ELMO2: variants seen among roughly 807,000 people sequenced by gnomAD.
The protein encoded by ELMO2 is engulfment and cell motility protein 2.
In ELMO2, 37 loss-of-function variants were observed where a neutral mutation model predicts 96.2. The ratio of observed to expected loss-of-function variants is 0.38; its 90% confidence interval spans 0.30 to 0.51. ELMO2 has a LOEUF of 0.51. ELMO2 is among the 20% of genes least tolerant of loss of function. ELMO2 has a pLI of 0.88. For missense variants in ELMO2, 561 were observed against 912.6 expected (o/e 0.61, Z 4.96); for synonymous variants, 315 against 329.4 (o/e 0.96, Z 0.47).
chr20:46,371,801 C>T lies in ELMO2; in HGVS notation c.1580+5G>A, dbSNP rs756327149. 1 of 1,614,146 alleles carries T rather than the reference C, an allele frequency of 6.2e-7. No individual in the cohort carries two copies. The highest frequency in any genetic ancestry group is 2.2e-5 in the East Asian group (1 of 44,880). On this transcript the variant is annotated splice_donor_5th_base_variant and intron_variant, in intron 17 of 21. Coordinates refer to ENST00000290246, the MANE Select transcript of ELMO2 (RefSeq NM_133171.5). This position sits in a 1 kb window ranked among gnomAD's most constrained non-coding sequence, Gnocchi z 5.9. Reference sequence around the variant, plus strand: ...CCCGCCAGCCTCCCCTGAGATGGAACTTACACAATTGGCGGGGACTGGAAG... The same window carrying T: ...CCCGCCAGCCTCCCCTGAGATGGAATTTACACAATTGGCGGGGACTGGAAG...
At chr20:46,390,447 T>C (rs1475970936) in intron 6 of ELMO2, among the ~76,000 whole-genome samples, 3 of 152,192 alleles carry the variant, frequency 2.0e-5, no homozygotes, top group Non-Finnish European at 4.4e-5. Context: ...TTTAAGAACA[T>C]CAAGGAGCCA....
At chr20:46,388,937 T>A (rs2060098256) in intron 7 of ELMO2, 102 bp downstream of exon 7, 5 of 1,200,484 alleles carry the variant, frequency 4.2e-6, no homozygotes, top group Non-Finnish European at 5.9e-6. Flanking sequence ...CAGGTGGTAT[T>A]CAATAAACTC....
chr20:46,382,352 A>C, intron 10 of ELMO2: 2 of 1,006,204 alleles, frequency 2.0e-6, no homozygotes, highest in Non-Finnish European at 2.7e-6. Flanking sequence ...TCCAAGAAAG[A>C]CAAGGACAGA....
intron 21 of ELMO2, 149 bp from the exon 22 acceptor site, chr20:46,367,709 A>G: frequency 2.0e-6 from 1 of 501,260 alleles, no homozygotes; most frequent in Non-Finnish European, 3.3e-6. Context: ...GCAAAGATAA[A>G]TTAGGAGGTG....
Position 46,371,993 on chromosome 20 carries a change from A to G in ELMO2, c.1417-24T>C. On this transcript the variant is annotated intron_variant, in intron 16 of 21. Coordinates refer to ENST00000290246, the MANE Select transcript of ELMO2 (RefSeq NM_133171.5). This position sits in a 1 kb window ranked among gnomAD's most constrained non-coding sequence, Gnocchi z 5.9. ...ACCTAAGAGGAGAAGAACCCAGCCAACTCACACCACTACTCTTGAGAAATG... is the reference window on the plus strand; with the variant it reads ...ACCTAAGAGGAGAAGAACCCAGCCAGCTCACACCACTACTCTTGAGAAATG... The G allele has an allele frequency of 6.2e-7, 1 of 1,612,772 alleles. No homozygotes were observed. Among genetic ancestry groups the G allele is most frequent in the Non-Finnish European group, 8.5e-7 (1 of 1,179,792 alleles).
chr20:46,401,758 C>A (rs2060340277), intron 1 of ELMO2, among the ~76,000 whole-genome samples: 1 of 152,302 alleles, frequency 6.6e-6, no homozygotes, highest in Non-Finnish European at 1.5e-5. Flanking sequence ...TTTCCTCTTC[C>A]TTGTCCAGCT....
chr20:46,374,922 C>G (rs1343668504), intron 13 of ELMO2, among the ~76,000 whole-genome samples: 3 of 152,194 alleles, frequency 2.0e-5, no homozygotes, highest in Non-Finnish European at 4.4e-5. Context: ...AAGCCCTACT[C>G]TATCACAAAA....
rs957759981 is a variant in ELMO2 at position 46,377,367 on chromosome 20, C to G, written c.808-1577G>C. Among the ~76,000 whole-genome samples, 4 of 152,144 alleles carry G rather than the reference C, an allele frequency of 2.6e-5. No individual in the cohort carries two copies. In the South Asian group the frequency reaches 8.3e-4, roughly 32 times the overall value. ...TTAATGTCCCTATTCCTTTTTCATG[C>G]TGCTACTAAAATGTTTAAAATCATG... On this transcript the variant is annotated intron_variant, in intron 11 of 21. Coordinates refer to ENST00000290246, the MANE Select transcript of ELMO2 (RefSeq NM_133171.5).
Position 46,404,568 on chromosome 20 carries a change from TAAC to T in ELMO2, c.-126+1977_-126+1979del, listed in dbSNP as rs1056246119. 1.2e-4 allele frequency among the ~76,000 whole-genome samples: 19 copies of T among 152,282 alleles called. No individual in the cohort carries two copies. The South Asian group carries it at 2.9e-3, about 23-fold the overall frequency. On this transcript the variant is annotated intron_variant, in intron 1 of 21. Transcript: ENST00000290246. ...ACTATCGATATCAGTAAAGTGCAGATAACAACAGTTATCTCAAAAGACTCTAGA... is the reference window on the plus strand; with the variant it reads ...ACTATCGATATCAGTAAAGTGCAGATAACAGTTATCTCAAAAGACTCTAGA...
chr20:46,380,214 G>T (rs765667494), intron 11 of ELMO2, 39 bp downstream of exon 11: 3 of 1,523,020 alleles, frequency 2.0e-6, no homozygotes, highest in Non-Finnish European at 2.7e-6. Flanking sequence ...AATAATTGTT[G>T]TTAATAGTAA....
intron 16 of ELMO2, among the ~76,000 whole-genome samples, 199 bp from the exon 17 acceptor site, chr20:46,372,168 CA>C (rs2045535622): frequency 6.6e-6 from 1 of 152,156 alleles, no homozygotes; most frequent in Non-Finnish European, 1.5e-5. Context: ...CTTTATTTCC[CA>C]TATATTTCAA....
chr20:46,400,107 T>G (rs1419381784), intron 1 of ELMO2, among the ~76,000 whole-genome samples: 2 of 152,176 alleles, frequency 1.3e-5, no homozygotes, highest in African/African-American at 4.8e-5. Context: ...CACTGAACTC[T>G]AGCCTGGGTG....
At position 46,399,488 on chromosome 20, in the gene ELMO2, T is replaced by C. The variant is rs1247228064; in HGVS notation, c.-125-717A>G. ...TAGTTCGGATGTTACCTCCTCCTTG[T>C]ACTAGTCTTAGCTTTCTCTACTTTC... is the stretch of plus-strand genomic sequence containing the variant. On this transcript the variant is annotated intron_variant, in intron 1 of 21. Coordinates refer to ENST00000290246, the MANE Select transcript of ELMO2 (RefSeq NM_133171.5). Among the ~76,000 whole-genome samples, 5 of 152,234 alleles carry C rather than the reference T, an allele frequency of 3.3e-5. No homozygotes were observed. The East Asian group carries it at 9.6e-4, about 29-fold the overall frequency.
chr20:46,391,612 A>G, intron 6 of ELMO2, among the ~76,000 whole-genome samples: 1 of 152,140 alleles, frequency 6.6e-6, no homozygotes, highest in Non-Finnish European at 1.5e-5. Context: ...CCTAGCAGTC[A>G]AAGTGATTCC....
chr20:46,400,326 A>G (rs1232152490), intron 1 of ELMO2, among the ~76,000 whole-genome samples: 1 of 152,372 alleles, frequency 6.6e-6, no homozygotes, highest in East Asian at 1.9e-4. Flanking sequence ...TGTTCTCCAG[A>G]TAATATTCCC....
At chr20:46,388,646 G>A (rs1280924276) in intron 7 of ELMO2, among the ~76,000 whole-genome samples, 1 of 151,996 alleles carries the variant, frequency 6.6e-6, no homozygotes, top group Non-Finnish European at 1.5e-5. Flanking sequence ...TGAAGAGGGA[G>A]GAGCAGGGGA....
intron 10 of ELMO2, among the ~76,000 whole-genome samples, chr20:46,381,845 T>C (rs7269536): frequency 0.033 from 5,049 of 152,358 alleles, 241 homozygotes; most frequent in African/African-American, 0.11. Context: ...AGGGCACGGA[T>C]ACCTTTTCTC....
Position 46,371,616 on chromosome 20 carries a change from G to A in ELMO2, c.1656C>T (p.Gly552=). 6.2e-7 allele frequency: 1 copy of A among 1,607,110 alleles called. No individual in the cohort carries two copies. Among genetic ancestry groups the A allele is most frequent in the South Asian group, 1.1e-5 (1 of 90,000 alleles). ...KQQRLNRLCE[G]SSFRKIGNRR... ...GGTTCCCAATCTTTCGGAAGCTGCT[G>A]CCCTCACAGAGCCGGTTCAGGCGCT... The change falls in exon 18 of 22, where the codon GGC becomes GGT. Residue 552 remains glycine, a synonymous_variant. Coordinates refer to ENST00000290246, the MANE Select transcript of ELMO2 (RefSeq NM_133171.5). This position sits in a 1 kb window ranked among gnomAD's most constrained non-coding sequence, Gnocchi z 5.9.
chr20:46,391,426 C>T (rs955338855), intron 6 of ELMO2, among the ~76,000 whole-genome samples: 3 of 152,194 alleles, frequency 2.0e-5, no homozygotes, highest in Admixed American at 6.5e-5. Context: ...AAGTATTTAG[C>T]AAAATATAGG....
Sources: allele counts gnomAD v4.1 joint callset (sites outside exome capture counted in the v4.1 genomes callset), GRCh38; gene constraint gnomAD v4.1.1; non-coding constraint Gnocchi (gnomAD v3.1); transcripts MANE v1.5; gene names NCBI Gene and HGNC (gene_info 2026-07-23, HGNC 2026-07-21).